The following STXBP5L variants were observed in gnomAD, a reference collection of about 807,000 sequenced individuals.
STXBP5L encodes the protein syntaxin binding protein 5L, also known as syntaxin-binding protein 5-like.
STXBP5L carries 65 observed loss-of-function variants against 144.5 expected under a neutral mutation model. The observed-to-expected ratio is 0.45, with a 90% CI of 0.37 to 0.55. The LOEUF (loss-of-function observed/expected upper bound fraction) is 0.55. Ranked by LOEUF, STXBP5L falls within the 20% of genes least tolerant of loss-of-function variation. The probability of loss-of-function intolerance (pLI) is 0.00; values close to 1 mark genes in which losing one functional copy is unlikely to be tolerated. For missense variants in STXBP5L, 1,298 were observed against 1,405.5 expected (o/e 0.92, Z 1.22); for synonymous variants, 505 against 469.6 (o/e 1.08, Z -0.97).
chr3:121,133,315 T>C (rs2045083843), intron 7 of STXBP5L, among the ~76,000 whole-genome samples: 1 of 152,110 alleles, frequency 6.6e-6, no homozygotes, highest in Admixed American at 6.5e-5. Context: ...CAAAGAAATC[T>C]ATGTTCAGAT....
chr3:121,028,716 A>G (rs1056877902), intron 3 of STXBP5L, among the ~76,000 whole-genome samples: 1 of 152,112 alleles, frequency 6.6e-6, no homozygotes, highest in Non-Finnish European at 1.5e-5. Context: ...AAACCTACCA[A>G]TAATTTAAAT....
At chr3:121,174,255 A>C (rs1036248358) in intron 9 of STXBP5L, among the ~76,000 whole-genome samples, 1 of 152,116 alleles carries the variant, frequency 6.6e-6, no homozygotes, top group African/African-American at 2.4e-5. Flanking sequence ...AGTTTTAATA[A>C]ATTTTAACTT....
intron 19 of STXBP5L, among the ~76,000 whole-genome samples, chr3:121,303,029 A>G (rs1346784802): frequency 6.6e-6 from 1 of 152,244 alleles, no homozygotes; most frequent in Non-Finnish European, 1.5e-5. Flanking sequence ...AAATTGATAA[A>G]TGGGATCTAA....
chr3:121,149,203 A>C (rs920670182), intron 7 of STXBP5L, among the ~76,000 whole-genome samples: 1 of 152,100 alleles, frequency 6.6e-6, no homozygotes, highest in Non-Finnish European at 1.5e-5. Context: ...AATTCATTAA[A>C]TATACATCTA....
intron 20 of STXBP5L, among the ~76,000 whole-genome samples, chr3:121,325,728 T>C (rs2044121758): frequency 6.6e-6 from 1 of 152,044 alleles, no homozygotes; most frequent in Non-Finnish European, 1.5e-5. Flanking sequence ...TTAAGCCTTT[T>C]TTACTAAAAA....
intron 7 of STXBP5L, among the ~76,000 whole-genome samples, chr3:121,151,138 T>C (rs1375649740): frequency 6.6e-6 from 1 of 151,992 alleles, no homozygotes; most frequent in Admixed American, 6.6e-5. Context: ...CGTTCATCAT[T>C]TTCTCTTGTA....
At chr3:120,981,575 T>C (rs1429961588) in intron 3 of STXBP5L, among the ~76,000 whole-genome samples, 3 of 152,206 alleles carry the variant, frequency 2.0e-5, no homozygotes, top group African/African-American at 7.2e-5. Context: ...TTTCGATTCA[T>C]ATTCTGAATT....
At chr3:121,056,932 A>T (rs771245693) in intron 5 of STXBP5L, among the ~76,000 whole-genome samples, 37 of 151,004 alleles carry the variant, frequency 2.5e-4, no homozygotes, top group Non-Finnish European at 4.3e-4. Context: ...ACAAATTAGC[A>T]AGGTCTTTAT....
At chr3:121,036,421 AT>A (rs1307767571) in intron 3 of STXBP5L, among the ~76,000 whole-genome samples, 3 of 152,042 alleles carry the variant, frequency 2.0e-5, no homozygotes, top group African/African-American at 7.2e-5. Context: ...TATAAATTTG[AT>A]GTTTTCTGCA....
At chr3:120,937,995 C>CT (rs1156232487) in intron 2 of STXBP5L, among the ~76,000 whole-genome samples, 2 of 151,864 alleles carry the variant, frequency 1.3e-5, no homozygotes, top group East Asian at 3.9e-4. Flanking sequence ...ATCCAGCATT[C>CT]TTTTTCTTTT....
chr3:121,194,508 C>T (rs1026998744), intron 9 of STXBP5L, among the ~76,000 whole-genome samples: 3 of 150,852 alleles, frequency 2.0e-5, no homozygotes, highest in Admixed American at 1.3e-4. Flanking sequence ...GCACTCCCTG[C>T]CTTGAAAAAA....
chr3:120,994,807 G>A (rs1186932700), intron 3 of STXBP5L, among the ~76,000 whole-genome samples: 1 of 151,882 alleles, frequency 6.6e-6, no homozygotes, highest in African/African-American at 2.4e-5. Flanking sequence ...TTGAATTAGG[G>A]GGAATTTACT....
intron 3 of STXBP5L, among the ~76,000 whole-genome samples, chr3:121,020,634 G>T (rs1945480671): frequency 3.3e-5 from 5 of 152,034 alleles, no homozygotes; most frequent in Admixed American, 3.3e-4. Context: ...ACAATTATCA[G>T]GCAAGAATTT....
intron 14 of STXBP5L, among the ~76,000 whole-genome samples, chr3:121,248,918 G>C (rs2049944691): frequency 6.6e-6 from 1 of 152,064 alleles, no homozygotes; most frequent in Admixed American, 6.5e-5. Context: ...TTTCCCCATT[G>C]TTTGTTTTTG....
intron 3 of STXBP5L, among the ~76,000 whole-genome samples, chr3:121,019,906 G>C (rs1292805353): frequency 6.6e-6 from 1 of 152,074 alleles, no homozygotes; most frequent in Non-Finnish European, 1.5e-5. Flanking sequence ...CACCAGCAAT[G>C]GATCCAAACC....
intron 25 of STXBP5L, 50 bp downstream of exon 25, chr3:121,416,018 CTGTGTA>C (rs2047223603): frequency 1.4e-6 from 2 of 1,429,394 alleles, no homozygotes; most frequent in Admixed American, 1.7e-5. Context: ...GAAGACGTTT[CTGTGTA>C]TGTGTATTTG....
intron 9 of STXBP5L, among the ~76,000 whole-genome samples, chr3:121,176,577 T>C (rs2046945290): frequency 6.8e-6 from 1 of 146,084 alleles, no homozygotes; most frequent in Non-Finnish European, 1.5e-5. Context: ...TGAAAAGTAA[T>C]CTCAAATCAA....
At chr3:120,983,264 G>A (rs547426848) in intron 3 of STXBP5L, among the ~76,000 whole-genome samples, 2 of 152,174 alleles carry the variant, frequency 1.3e-5, no homozygotes, top group African/African-American at 4.8e-5. Context: ...TCAGATGGGG[G>A]CAGGGTGGCA....
At chr3:121,189,840 C>A (rs1418633526) in intron 9 of STXBP5L, among the ~76,000 whole-genome samples, 1 of 152,020 alleles carries the variant, frequency 6.6e-6, no homozygotes, top group Non-Finnish European at 1.5e-5. Flanking sequence ...AAATGACCAA[C>A]TTAAAATAAA....
Sources: allele counts gnomAD v4.1 joint callset (sites outside exome capture counted in the v4.1 genomes callset), GRCh38; gene constraint gnomAD v4.1.1; transcripts MANE v1.5; gene names NCBI Gene and HGNC (gene_info 2026-07-23, HGNC 2026-07-21).